Variants in TCAF1 observed in about 807,000 individuals in gnomAD.
TCAF1 encodes the protein TRPM8 channel associated factor 1.
A neutral mutation model predicts 27.3 loss-of-function variants in TCAF1; 4 were observed. The ratio of observed to expected loss-of-function variants is 0.15; its 90% CI spans 0.07 to 0.34. TCAF1 has a LOEUF of 0.34. Ranked by LOEUF, TCAF1 falls within the 10% of genes least tolerant of loss-of-function variation. The pLI, the probability that TCAF1 is intolerant of heterozygous loss-of-function variation, is 1.00. For synonymous variants in TCAF1, 105 were observed against 167.1 expected, an observed-to-expected ratio of 0.63 and a Z score of 2.87; for missense variants, 257 against 425.8, an observed-to-expected ratio of 0.60 and a Z score of 3.49.
intron 1 of TCAF1, among the ~76,000 whole-genome samples, chr7:143,901,627 G>C (rs920939011): frequency 6.6e-6 from 1 of 152,206 alleles, no homozygotes; most frequent in Admixed American, 6.5e-5. Flanking sequence ...AGCTAGCCTA[G>C]AAGAATGCAA....
chr7:143,901,360 G>C (rs929509403), intron 1 of TCAF1, among the ~76,000 whole-genome samples: 6 of 152,180 alleles, frequency 3.9e-5, no homozygotes, highest in Admixed American at 3.3e-4. Context: ...TTTTTCTCCT[G>C]TACTTAAGGC....
chr7:143,900,248 C>T (rs937256620), intron 1 of TCAF1, among the ~76,000 whole-genome samples: 1 of 152,142 alleles, frequency 6.6e-6, no homozygotes, highest in East Asian at 1.9e-4. Flanking sequence ...CACCCCCTTC[C>T]CTTCAGTGTG....
At chr7:143,897,979 T>C (rs1813963802) in intron 1 of TCAF1, among the ~76,000 whole-genome samples, 1 of 152,160 alleles carries the variant, frequency 6.6e-6, no homozygotes, top group Non-Finnish European at 1.5e-5. Flanking sequence ...CTTTTGTATC[T>C]ATATCCACAT....
chr7:143,882,395 A>G, intron 1 of TCAF1: 1 of 985,424 alleles, frequency 1.0e-6, no homozygotes, highest in Non-Finnish European at 1.2e-6. Flanking sequence ...AAAGCAGCGG[A>G]TTAGACGCGG....
chr7:143,885,472 A>T lies in TCAF1; in HGVS notation c.-14-8850T>A, dbSNP rs1813356171. On this transcript the variant is annotated intron_variant, in intron 1 of 8. Coordinates refer to ENST00000479870, the MANE Select transcript of TCAF1 (RefSeq NM_014719.3). ...GAGGCCCGGCTTTGTGTCAGTTTCTACCCCAAGATGCCGCCCCAGATCCGG... is the reference window on the plus strand; with the variant it reads ...GAGGCCCGGCTTTGTGTCAGTTTCTTCCCCAAGATGCCGCCCCAGATCCGG... The T allele has an allele frequency of 2.0e-6, 2 of 985,012 alleles. 1 individual carries two copies. Among genetic ancestry groups the T allele is most frequent in the African/African-American group, 3.5e-5 (2 of 57,112 alleles). The allele number at this position is 985,012 out of a possible 1,614,324, so 61.0% of individuals were successfully genotyped here.
chr7:143,885,179 G>A, intron 1 of TCAF1: 6 of 985,500 alleles, frequency 6.1e-6, no homozygotes, highest in Non-Finnish European at 7.2e-6. Context: ...GCCTGGTCTG[G>A]TCCCCGAAAC....
chr7:143,882,368 G>A (rs1037143996), intron 1 of TCAF1: 2 of 984,726 alleles, frequency 2.0e-6, no homozygotes, highest in Admixed American at 6.2e-5. Flanking sequence ...CTCAAGCCCC[G>A]GGCCTTCTCA....
At chr7:143,900,388 G>A (rs1057293834) in intron 1 of TCAF1, among the ~76,000 whole-genome samples, 2 of 151,670 alleles carry the variant, frequency 1.3e-5, no homozygotes, top group African/African-American at 4.8e-5. Context: ...CTCTCTGGGG[G>A]GAGTAAGCTG....
chr7:143,895,006 T>C (rs1183537105), intron 1 of TCAF1, among the ~76,000 whole-genome samples: 1 of 151,690 alleles, frequency 6.6e-6, no homozygotes, highest in Non-Finnish European at 1.5e-5. Flanking sequence ...ATCAAAGTAA[T>C]ACAAATTAAA....
Position 143,876,400 on chromosome 7 carries a change from T to G in TCAF1, c.209A>C (p.Glu70Ala). 6.2e-7 allele frequency: 1 copy of G among 1,613,880 alleles called. No individual in the cohort carries two copies. Among genetic ancestry groups the G allele is most frequent in the Non-Finnish European group, 8.5e-7 (1 of 1,179,902 alleles). The stretch of plus-strand genomic sequence containing the variant: ...CAGGAGAAAGGGCGTGAGCTGGGCT[T>G]CCACCAAGTAGTCCTCATGGGACAC... ...VVVSHEDYLV[E>A]AQLTPFLLNA... Residue 70 changes from glutamate to alanine, a missense_variant, in exon 2 of 9, where the codon GAA becomes GCA. By Grantham distance (107) the Glu-to-Ala change is moderately radical (BLOSUM62 -1). Coordinates refer to ENST00000479870, the MANE Select transcript of TCAF1 (RefSeq NM_014719.3).
At chr7:143,879,042 G>A (rs1327987130) in intron 1 of TCAF1, among the ~76,000 whole-genome samples, 1 of 152,100 alleles carries the variant, frequency 6.6e-6, no homozygotes, top group East Asian at 1.9e-4. Context: ...CTGCTCCCTG[G>A]CTTTTCCTGC....
At chr7:143,879,084 T>C (rs753294405) in intron 1 of TCAF1, among the ~76,000 whole-genome samples, 7 of 152,224 alleles carry the variant, frequency 4.6e-5, no homozygotes, top group African/African-American at 7.2e-5. Context: ...CCCTGCAGCA[T>C]CCCGTCTGCC....
intron 1 of TCAF1, among the ~76,000 whole-genome samples, chr7:143,900,547 GAGGCCC>G (rs1259020952): frequency 6.6e-6 from 1 of 152,106 alleles, no homozygotes; most frequent in Admixed American, 6.5e-5. Flanking sequence ...TGAGATGACT[GAGGCCC>G]AGTCAATACC....
chr7:143,883,013 T>A (rs1366081223), intron 1 of TCAF1: 2 of 326,858 alleles, frequency 6.1e-6, no homozygotes, highest in Non-Finnish European at 4.4e-6. Context: ...GGCATTGCTG[T>A]GGCTTAGGGA....
intron 2 of TCAF1, among the ~76,000 whole-genome samples, chr7:143,874,931 G>A (rs376582271): frequency 6.6e-4 from 100 of 152,310 alleles, no homozygotes; most frequent in African/African-American, 2.4e-3. Flanking sequence ...ATAAATGGAT[G>A]AATGAACAGA....
Position 143,876,064 on chromosome 7 carries a change from T to G in TCAF1, c.545A>C (p.Tyr182Ser). 6.2e-7 allele frequency: 1 copy of G among 1,610,152 alleles called. No homozygotes were observed. Among genetic ancestry groups the G allele is most frequent in the Non-Finnish European group, 8.5e-7 (1 of 1,177,796 alleles). Reference protein sequence around the residue: ...GNLVTSVAGIYFTDNKGDTSF... With the variant: ...GNLVTSVAGISFTDNKGDTSF... ...CGTGTCCCCTTTGTTGTCAGTAAAG[T>G]AAATGCCAGCCACACTGGTCACGAG... Residue 182 changes from tyrosine (Y) to serine (S), a missense_variant, in exon 2 of 9, where the codon TAC (tyrosine) becomes TCC (serine). By Grantham distance (144) the Tyr-to-Ser change is moderately radical. This residue lies in a region of TCAF1 where 255 missense variants were observed against 260.1 expected (regional missense o/e 0.98). Transcript: ENST00000479870.
At position 143,882,880 on chromosome 7, in the gene TCAF1, GGA is replaced by G. The variant is rs1028774041; in HGVS notation, c.-14-6260_-14-6259del. The G allele has an allele frequency of 2.7e-5, 27 of 985,450 alleles. No homozygotes were observed. In the African/African-American group the frequency reaches 4.5e-4, roughly 17 times the overall value. The allele number at this position is 985,450 out of a possible 1,614,324, so 61.0% of individuals were successfully genotyped here. ...GAGCGGGGAGGAGGCTGGAGCTGGA[GGA>G]GAGGAGGGGTTTCCACGGGAGTCCC... On this transcript the variant is annotated intron_variant, in intron 1 of 8. Transcript: ENST00000479870.
rs35872468 is a variant in TCAF1, at chr7:143,882,193, A to AACACACAC, written c.-14-5579_-14-5572dup. 7.3e-3 allele frequency: 1,096 copies of AACACACAC among 150,356 alleles called. 7 individuals carry two copies. The highest frequency in any genetic ancestry group is 0.026 in the African/African-American group (1,014 of 38,968). 9.3% of individuals were successfully genotyped at this position (150,356 alleles called of 1,614,324 possible). A position where few individuals can be genotyped will look rare whatever the true frequency, so the allele number is the denominator to read the frequency against. On this transcript the variant is annotated intron_variant, in intron 1 of 8. Coordinates refer to ENST00000479870, the MANE Select transcript of TCAF1 (RefSeq NM_014719.3). ...GGAGGGGAGCTCCTCCATGCGCGTA[A>AACACACAC]ACACACACACACACACACACACACA...
At chr7:143,875,021 C>A (rs2116766568) in intron 2 of TCAF1, among the ~76,000 whole-genome samples, 1 of 152,256 alleles carries the variant, frequency 6.6e-6, no homozygotes, top group South Asian at 2.1e-4. Context: ...ACATAGTAGA[C>A]TAACTATTCT....
Sources: allele counts gnomAD v4.1 joint callset (sites outside exome capture counted in the v4.1 genomes callset), GRCh38; gene constraint gnomAD v4.1.1; regional missense constraint gnomAD v4.1.1; transcripts MANE v1.5; gene names NCBI Gene and HGNC (gene_info 2026-07-23, HGNC 2026-07-21).